The following TERC variants were observed in gnomAD, a reference collection of about 807,000 sequenced individuals.
The protein encoded by TERC is telomerase RNA component.
At chr3:169,765,048 C>T (rs1383902005) in exon 1 of TERC, 1 of 764,494 alleles carries the variant, frequency 1.3e-6, no homozygotes, top group African/African-American at 1.7e-5. Context: ...CCCAGGCCCA[C>T]CCTCCGCAAC....
Position 169,764,728 on chromosome 3 carries a change from C to A in TERC, n.333G>T, listed in dbSNP as rs1415793991. On this transcript the variant is annotated non_coding_transcript_exon_variant, in exon 1 of 1. Transcript: ENST00000602385. This position sits in a 1 kb window ranked among gnomAD's most constrained non-coding sequence, Gnocchi z 4.3. ...AAGGCCTGAACCTCGCCCTCGCCCC[C>A]GAGAGACCCGCGGCTGACAGAGCCC... 1.3e-6 allele frequency: 1 copy of A among 755,266 alleles called. No individual in the cohort carries two copies. Among genetic ancestry groups the A allele is most frequent in the Non-Finnish European group, 2.4e-6 (1 of 413,296 alleles). The allele number at this position is 755,266 out of a possible 1,614,324, so 46.8% of individuals were successfully genotyped here.
Position 169,764,692 on chromosome 3 carries a change from C to A in TERC, n.369G>T. 1.3e-6 allele frequency: 1 copy of A among 762,052 alleles called. No homozygotes were observed. The highest frequency in any genetic ancestry group is 2.4e-5 in the East Asian group (1 of 41,122). 47.2% of individuals were successfully genotyped at this position (762,052 alleles called of 1,614,324 possible). On this transcript the variant is annotated non_coding_transcript_exon_variant, in exon 1 of 1. Transcript: ENST00000602385. The surrounding 1 kb of genome is among the most constrained non-coding windows in gnomAD (Gnocchi z 4.3). ...GCGGGGACTCGCTCCGTTCCTCTTC[C>A]TGCGGCCTGAAAGGCCTGAACCTCG...
In TERC at chr3:169,764,638, G is replaced by A. The variant is rs776902194; in HGVS notation, n.423C>T. 2 of 723,918 alleles carry A rather than the reference G, an allele frequency of 2.8e-6. No homozygotes were observed. Among genetic ancestry groups the A allele is most frequent in the Admixed American group, 3.8e-5 (2 of 52,472 alleles). The allele number at this position is 723,918 out of a possible 1,614,324, so 44.8% of individuals were successfully genotyped here. On this transcript the variant is annotated non_coding_transcript_exon_variant, in exon 1 of 1. Coordinates refer to ENST00000602385, the Ensembl canonical transcript of TERC. This position sits in a 1 kb window ranked among gnomAD's most constrained non-coding sequence, Gnocchi z 4.3. ...TGTGTGAGCCGAGTCCTGGGTGCAC[G>A]TCCCACAGCTCAGGGAATCGCGCCG...
In TERC at chr3:169,764,666, C is replaced by T; in HGVS notation, n.395G>A. On this transcript the variant is annotated non_coding_transcript_exon_variant, in exon 1 of 1. Transcript: ENST00000602385. This position sits in a 1 kb window ranked among gnomAD's most constrained non-coding sequence, Gnocchi z 4.3. Reference sequence around the variant, plus strand: ...CCACAGCTCAGGGAATCGCGCCGCGCGCGGGGACTCGCTCCGTTCCTCTTC... The same window carrying T: ...CCACAGCTCAGGGAATCGCGCCGCGTGCGGGGACTCGCTCCGTTCCTCTTC... 1 of 752,248 alleles carries T rather than the reference C, an allele frequency of 1.3e-6. No homozygotes were observed. Among genetic ancestry groups the T allele is most frequent in the South Asian group, 1.4e-5 (1 of 73,828 alleles). The allele number at this position is 752,248 out of a possible 1,614,324, so 46.6% of individuals were successfully genotyped here. A position where few individuals can be genotyped will look rare whatever the true frequency, so the allele number is the denominator to read the frequency against.
rs1203113072 is a variant in TERC, at chr3:169,764,999, T to A, written n.62A>T. On this transcript the variant is annotated non_coding_transcript_exon_variant, in exon 1 of 1. Coordinates refer to ENST00000602385, the Ensembl canonical transcript of TERC. The surrounding 1 kb of genome is among the most constrained non-coding windows in gnomAD (Gnocchi z 4.3). ...GAGCAAAAGCACGGCGCCTACGCCC[T>A]TCTCAGTTAGGGTTAGACAAAAAAT... The A allele has an allele frequency of 3.9e-6, 3 of 765,364 alleles. No homozygotes were observed. The African/African-American group carries it at 5.1e-5, about 13-fold the overall frequency. The allele number at this position is 765,364 out of a possible 1,614,324, so 47.4% of individuals were successfully genotyped here.
In TERC at chr3:169,764,871, G is replaced by A. The variant is rs1321569057; in HGVS notation, n.190C>T. 1 of 759,076 alleles carries A rather than the reference G, an allele frequency of 1.3e-6. No individual in the cohort carries two copies. Among genetic ancestry groups the A allele is most frequent in the Admixed American group, 1.7e-5 (1 of 58,184 alleles). 47.0% of individuals were successfully genotyped at this position (759,076 alleles called of 1,614,324 possible). On this transcript the variant is annotated non_coding_transcript_exon_variant, in exon 1 of 1. Transcript: ENST00000602385. The surrounding 1 kb of genome is among the most constrained non-coding windows in gnomAD (Gnocchi z 4.3). Reference sequence around the variant, plus strand: ...GCAGGTCCCCGGGAGGGGCGAACGGGCCAGCAGCTGACATTTTTTGTTTGC... The same window carrying A: ...GCAGGTCCCCGGGAGGGGCGAACGGACCAGCAGCTGACATTTTTTGTTTGC...
chr3:169,764,897 T>G lies in TERC; in HGVS notation n.164A>C, dbSNP rs750837239. 1.0e-5 allele frequency: 8 copies of G among 764,806 alleles called. No individual in the cohort carries two copies. The highest frequency in any genetic ancestry group is 1.7e-5 in the Non-Finnish European group (7 of 417,688). The allele number at this position is 764,806 out of a possible 1,614,324, so 47.4% of individuals were successfully genotyped here. On this transcript the variant is annotated non_coding_transcript_exon_variant, in exon 1 of 1. Transcript: ENST00000602385. This position sits in a 1 kb window ranked among gnomAD's most constrained non-coding sequence, Gnocchi z 4.3. ...CCAGCAGCTGACATTTTTTGTTTGC[T>G]CTAGAATGAACGGTGGAAGGCGGCA...
chr3:169,764,722 C>T lies in TERC; in HGVS notation n.339G>A, dbSNP rs772608895. The stretch of plus-strand genomic sequence containing the variant: ...GCCTGAAAGGCCTGAACCTCGCCCT[C>T]GCCCCCGAGAGACCCGCGGCTGACA... On this transcript the variant is annotated non_coding_transcript_exon_variant, in exon 1 of 1. Transcript: ENST00000602385. The surrounding 1 kb of genome is among the most constrained non-coding windows in gnomAD (Gnocchi z 4.3). 1 of 756,766 alleles carries T rather than the reference C, an allele frequency of 1.3e-6. No individual in the cohort carries two copies. The highest frequency in any genetic ancestry group is 1.7e-5 in the Admixed American group (1 of 58,016). The allele number at this position is 756,766 out of a possible 1,614,324, so 46.9% of individuals were successfully genotyped here.
rs777348518 is a variant in TERC, at chr3:169,764,701, G to A, written n.360C>T. On this transcript the variant is annotated non_coding_transcript_exon_variant, in exon 1 of 1. Coordinates refer to ENST00000602385, the Ensembl canonical transcript of TERC. The surrounding 1 kb of genome is among the most constrained non-coding windows in gnomAD (Gnocchi z 4.3). ...CGCTCCGTTCCTCTTCCTGCGGCCT[G>A]AAAGGCCTGAACCTCGCCCTCGCCC... 5.3e-6 allele frequency: 4 copies of A among 761,258 alleles called. No homozygotes were observed. The highest frequency in any genetic ancestry group is 1.7e-5 in the African/African-American group (1 of 59,006). 47.2% of individuals were successfully genotyped at this position (761,258 alleles called of 1,614,324 possible). A position where few individuals can be genotyped will look rare whatever the true frequency, so the allele number is the denominator to read the frequency against.
Position 169,764,641 on chromosome 3 carries a change from C to A in TERC, n.420G>T. ...GTGAGCCGAGTCCTGGGTGCACGTC[C>A]CACAGCTCAGGGAATCGCGCCGCGC... is the stretch of plus-strand genomic sequence containing the variant. On this transcript the variant is annotated non_coding_transcript_exon_variant, in exon 1 of 1. Coordinates refer to ENST00000602385, the Ensembl canonical transcript of TERC. The surrounding 1 kb of genome is among the most constrained non-coding windows in gnomAD (Gnocchi z 4.3). The A allele has an allele frequency of 1.4e-6, 1 of 736,372 alleles. No homozygotes were observed. The highest frequency in any genetic ancestry group is 2.5e-6 in the Non-Finnish European group (1 of 401,632). 45.6% of individuals were successfully genotyped at this position (736,372 alleles called of 1,614,324 possible).
Position 169,764,789 on chromosome 3 carries a change from GC to G in TERC, n.271del. On this transcript the variant is annotated non_coding_transcript_exon_variant, in exon 1 of 1. Transcript: ENST00000602385. This position sits in a 1 kb window ranked among gnomAD's most constrained non-coding sequence, Gnocchi z 4.3. ...GGTGGCAGTGGGTGCCTCCGGAGAA[GC>G]CCCGGGCCGACCGCGGCCTCCAGGC... 1.4e-6 allele frequency: 1 copy of G among 736,376 alleles called. No individual in the cohort carries two copies. Among genetic ancestry groups the G allele is most frequent in the East Asian group, 2.5e-5 (1 of 39,782 alleles). 45.6% of individuals were successfully genotyped at this position (736,376 alleles called of 1,614,324 possible). A position where few individuals can be genotyped will look rare whatever the true frequency, so the allele number is the denominator to read the frequency against.
Position 169,764,698 on chromosome 3 carries a change from C to G in TERC, n.363G>C, listed in dbSNP as rs1475263094. On this transcript the variant is annotated non_coding_transcript_exon_variant, in exon 1 of 1. Coordinates refer to ENST00000602385, the Ensembl canonical transcript of TERC. The surrounding 1 kb of genome is among the most constrained non-coding windows in gnomAD (Gnocchi z 4.3). ...ACTCGCTCCGTTCCTCTTCCTGCGG[C>G]CTGAAAGGCCTGAACCTCGCCCTCG... 6 of 761,040 alleles carry G rather than the reference C, an allele frequency of 7.9e-6. No individual in the cohort carries two copies. Among genetic ancestry groups the G allele is most frequent in the Non-Finnish European group, 1.4e-5 (6 of 416,128 alleles). 47.1% of individuals were successfully genotyped at this position (761,040 alleles called of 1,614,324 possible).
Position 169,765,003 on chromosome 3 carries a change from C to G in TERC, n.58G>C, listed in dbSNP as rs113487931. The stretch of plus-strand genomic sequence containing the variant: ...AAAAGCACGGCGCCTACGCCCTTCT[C>G]AGTTAGGGTTAGACAAAAAATGGCC... On this transcript the variant is annotated non_coding_transcript_exon_variant, in exon 1 of 1. Transcript: ENST00000602385. The G allele has an allele frequency of 2.6e-6, 2 of 765,446 alleles. No individual in the cohort carries two copies. The highest frequency in any genetic ancestry group is 4.8e-6 in the Non-Finnish European group (2 of 417,994). The allele number at this position is 765,446 out of a possible 1,614,324, so 47.4% of individuals were successfully genotyped here. A position where few individuals can be genotyped will look rare whatever the true frequency, so the allele number is the denominator to read the frequency against.
At position 169,764,927 on chromosome 3, in the gene TERC, G is replaced by A. The variant is rs1306157402; in HGVS notation, n.134C>T. On this transcript the variant is annotated non_coding_transcript_exon_variant, in exon 1 of 1. Transcript: ENST00000602385. The surrounding 1 kb of genome is among the most constrained non-coding windows in gnomAD (Gnocchi z 4.3). ...AATGAACGGTGGAAGGCGGCAGGCC[G>A]AGGCTTTTCCGCCCGCTGAAAGTCA... The A allele has an allele frequency of 1.6e-5, 12 of 765,230 alleles. No homozygotes were observed. The highest frequency in any genetic ancestry group is 2.6e-5 in the Non-Finnish European group (11 of 417,944). The allele number at this position is 765,230 out of a possible 1,614,324, so 47.4% of individuals were successfully genotyped here.
Sources: allele counts gnomAD v4.1 joint callset, GRCh38; gene constraint gnomAD v4.1.1; non-coding constraint Gnocchi (gnomAD v3.1); transcripts MANE v1.5; gene names NCBI Gene and HGNC (gene_info 2026-07-23, HGNC 2026-07-21).